Variants in PRKCH observed in about 807,000 individuals in gnomAD.
PRKCH encodes the protein protein kinase C eta, also known as protein kinase C eta type.
A neutral mutation model predicts 82.5 loss-of-function variants in PRKCH; 28 were observed. That is an observed-to-expected ratio of 0.34 (90% confidence interval 0.25 to 0.47). The LOEUF is 0.47. Among genes scored for constraint, PRKCH ranks in the 20% least tolerant of loss-of-function variants. PRKCH has a pLI of 1.00. For missense variants in PRKCH, 705 were observed against 881.8 expected (o/e 0.80, Z 2.54); for synonymous variants, 322 against 327.4 (o/e 0.98, Z 0.18).
chr14:61,509,467 C>G (rs1440517581), intron 10 of PRKCH, among the ~76,000 whole-genome samples: 1 of 151,814 alleles, frequency 6.6e-6, no homozygotes, highest in African/African-American at 2.4e-5. Flanking sequence ...AAATCAGAAT[C>G]TTTGCTCTCA....
intron 1 of PRKCH, among the ~76,000 whole-genome samples, chr14:61,227,920 C>G (rs893890792): frequency 6.6e-6 from 1 of 152,088 alleles, no homozygotes; most frequent in African/African-American, 2.4e-5. Flanking sequence ...AATCGTTTTG[C>G]TAGCAATTTG....
intron 1 of PRKCH, among the ~76,000 whole-genome samples, chr14:61,350,719 A>G (rs1291634109): frequency 3.3e-5 from 5 of 152,136 alleles, no homozygotes; most frequent in African/African-American, 4.8e-5. Flanking sequence ...TGGGGGCAGG[A>G]TCGGTGCATG....
At chr14:61,244,891 A>G (rs547886646) in intron 1 of PRKCH, among the ~76,000 whole-genome samples, 1 of 152,220 alleles carries the variant, frequency 6.6e-6, no homozygotes, top group Non-Finnish European at 1.5e-5. Context: ...TTTGAGGCTT[A>G]TGGTTATCCT....
intron 10 of PRKCH, among the ~76,000 whole-genome samples, chr14:61,526,556 C>T (rs557331292): frequency 4.4e-4 from 67 of 152,302 alleles, no homozygotes; most frequent in African/African-American, 1.3e-3. Context: ...CACAGGACAG[C>T]GTGTGGAAAC....
At chr14:61,446,926 G>T (rs77064527) in intron 4 of PRKCH, among the ~76,000 whole-genome samples, 1 of 152,182 alleles carries the variant, frequency 6.6e-6, no homozygotes, top group African/African-American at 2.4e-5. Context: ...GTCCTATAGT[G>T]CCTGGATATT....
chr14:61,455,721 C>T (rs570507399), intron 7 of PRKCH, among the ~76,000 whole-genome samples: 1 of 152,308 alleles, frequency 6.6e-6, no homozygotes, highest in South Asian at 2.1e-4. Context: ...AATCAAGTAT[C>T]CTTAATCCAT....
chr14:61,535,197 C>T (rs1055528119), intron 12 of PRKCH, among the ~76,000 whole-genome samples: 2 of 152,022 alleles, frequency 1.3e-5, no homozygotes, highest in African/African-American at 2.4e-5. Flanking sequence ...ATGGGTTCTG[C>T]AATACTCAGG....
intron 2 of PRKCH, among the ~76,000 whole-genome samples, chr14:61,403,530 G>A (rs1297899963): frequency 6.6e-6 from 1 of 152,144 alleles, no homozygotes; most frequent in Admixed American, 6.5e-5. Context: ...TAAAAATAAG[G>A]TCAGGAAGTG....
intron 2 of PRKCH, among the ~76,000 whole-genome samples, chr14:61,422,526 T>A (rs1882892082): frequency 6.6e-6 from 1 of 152,206 alleles, no homozygotes; most frequent in South Asian, 2.1e-4. Flanking sequence ...CTCCCTCTAG[T>A]ACTCTGCTGC....
chr14:61,188,081 G>A (rs1182939395), intron 1 of PRKCH, among the ~76,000 whole-genome samples: 1 of 152,244 alleles, frequency 6.6e-6, no homozygotes. Flanking sequence ...AATTTGTTGG[G>A]AGGATTAGGT....
intron 1 of PRKCH, among the ~76,000 whole-genome samples, chr14:61,310,613 T>A (rs894379678): frequency 1.3e-5 from 2 of 152,224 alleles, no homozygotes; most frequent in Admixed American, 1.3e-4. Context: ...GCCTGTGGCT[T>A]TTCCAGGCAC....
intron 10 of PRKCH, among the ~76,000 whole-genome samples, chr14:61,504,489 C>T (rs1292410208): frequency 2.6e-5 from 4 of 152,106 alleles, no homozygotes; most frequent in African/African-American, 7.2e-5. Flanking sequence ...CGCACCCAGC[C>T]GTCTGAGGCC....
In PRKCH at chr14:61,231,751, A is replaced by G. The variant is rs145419229; in HGVS notation, c.-19+44083A>G. On this transcript the variant is annotated intron_variant, in intron 1 of 3. Transcript: ENST00000555185. Reference sequence around the variant, plus strand: ...TCTAATTCCAAACTAATCTGATGAAATGTAGAGATCTTCTCTCCCCTCCTC... The same window carrying G: ...TCTAATTCCAAACTAATCTGATGAAGTGTAGAGATCTTCTCTCCCCTCCTC... Among the ~76,000 whole-genome samples, 486 of 152,218 alleles carry G rather than the reference A, an allele frequency of 3.2e-3. 3 individuals are homozygous for G. Among genetic ancestry groups the G allele is most frequent in the Non-Finnish European group, 2.7e-3 (186 of 68,024 alleles).
chr14:61,206,011 G>T (rs2044520851), intron 1 of PRKCH, among the ~76,000 whole-genome samples: 1 of 152,182 alleles, frequency 6.6e-6, no homozygotes, highest in East Asian at 1.9e-4. Flanking sequence ...TGGGGAAAAG[G>T]TACCAAACAA....
At chr14:61,497,331 G>A (rs1886713112) in intron 10 of PRKCH, among the ~76,000 whole-genome samples, 1 of 152,156 alleles carries the variant, frequency 6.6e-6, no homozygotes, top group African/African-American at 2.4e-5. Context: ...TCACCTGAGG[G>A]TGGTTGTTAG....
At chr14:61,397,469 G>A (rs997506826) in intron 2 of PRKCH, among the ~76,000 whole-genome samples, 3 of 152,190 alleles carry the variant, frequency 2.0e-5, no homozygotes, top group African/African-American at 7.2e-5. Flanking sequence ...GGATAAAGAG[G>A]CCCATTGAGA....
At chr14:61,409,352 G>A (rs1020229160) in intron 2 of PRKCH, among the ~76,000 whole-genome samples, 1 of 152,094 alleles carries the variant, frequency 6.6e-6, no homozygotes, top group Non-Finnish European at 1.5e-5. Flanking sequence ...TACTCTGGCC[G>A]ATTCTTTCAG....
At chr14:61,279,333 C>G (rs1413149169) in intron 1 of PRKCH, 1 of 152,216 alleles carries the variant, frequency 6.6e-6, no homozygotes, top group Non-Finnish European at 1.5e-5. Context: ...GGCAGAGTGC[C>G]AGACCAAACC....
chr14:61,224,848 C>T (rs74909806), intron 1 of PRKCH, among the ~76,000 whole-genome samples: 1,786 of 152,272 alleles, frequency 0.012, 107 homozygotes, highest in Admixed American at 0.1. Context: ...AGAGTGTCTA[C>T]GGTGTTTCTT....
Sources: allele counts gnomAD v4.1 joint callset (sites outside exome capture counted in the v4.1 genomes callset), GRCh38; gene constraint gnomAD v4.1.1; transcripts MANE v1.5; gene names NCBI Gene and HGNC (gene_info 2026-07-23, HGNC 2026-07-21).